Variants in SCGB2B2 observed in about 807,000 individuals in gnomAD.
SCGB2B2 encodes the protein secretoglobin family 2B member 2.
Under a neutral mutation model 7.6 loss-of-function variants are expected in SCGB2B2, and 11 were observed. The observed-to-expected ratio is 1.45, with a 90% CI of 0.91 to 2.40. The LOEUF is 2.40. Among genes scored for constraint, SCGB2B2 ranks in the 30% most tolerant of loss-of-function variants. The pLI is 0.00. For synonymous variants in SCGB2B2, 50 were observed against 48.6 expected (o/e 1.03, Z -0.12); for missense variants, 104 against 115.4 (o/e 0.90, Z 0.45).
At position 34,592,720 on chromosome 19, in the gene SCGB2B2, G is replaced by A. The variant is rs571936585; in HGVS notation, c.*835C>T. ...GGGGCCGTGTTTGAGGGTGGCACTC[G>A]TTCCCTGTGACCTCAATGTCAATGT... On this transcript the variant is annotated 3_prime_UTR_variant, in exon 4 of 4. Coordinates refer to ENST00000601241, the MANE Select transcript of SCGB2B2 (RefSeq NM_001025591.4). 8.5e-5 allele frequency among the ~76,000 whole-genome samples: 13 copies of A among 152,268 alleles called. No homozygotes were observed. The highest frequency in any genetic ancestry group is 1.3e-4 in the Admixed American group (2 of 15,298).
downstream of SCGB2B2, among the ~76,000 whole-genome samples, chr19:34,589,918 G>A (rs2065260189): frequency 6.6e-6 from 1 of 152,188 alleles, no homozygotes; most frequent in Non-Finnish European, 1.5e-5. Flanking sequence ...CAGCTGTGGG[G>A]ATGGCCTGGA....
intron 1 of SCGB2B2, among the ~76,000 whole-genome samples, chr19:34,623,220 T>C (rs1453573607): frequency 5.3e-4 from 80 of 152,182 alleles, no homozygotes; most frequent in Admixed American, 5.0e-3. Context: ...TAACCTAACA[T>C]CCTTCCAGCA....
intron 1 of SCGB2B2, among the ~76,000 whole-genome samples, chr19:34,666,964 A>G (rs1319966463): frequency 6.6e-6 from 1 of 152,092 alleles, no homozygotes; most frequent in African/African-American, 2.4e-5. Flanking sequence ...GGATTCTGTC[A>G]ACAGATATCA....
chr19:34,668,041 G>A (rs1169592743), intron 1 of SCGB2B2, among the ~76,000 whole-genome samples: 1 of 152,212 alleles, frequency 6.6e-6, no homozygotes, highest in East Asian at 1.9e-4. Context: ...GGCGGCCCTC[G>A]CAGCCCTCGC....
intron 1 of SCGB2B2, among the ~76,000 whole-genome samples, chr19:34,626,363 A>G (rs1350054279): frequency 6.6e-6 from 1 of 152,184 alleles, no homozygotes; most frequent in African/African-American, 2.4e-5. Flanking sequence ...ACCTTGAAAA[A>G]AAATTAGACG....
chr19:34,662,227 G>C (rs939440963), intron 1 of SCGB2B2, among the ~76,000 whole-genome samples: 6 of 152,060 alleles, frequency 3.9e-5, no homozygotes, highest in African/African-American at 1.5e-4. Context: ...TCTTCTTTCA[G>C]TGTGGCCCGT....
chr19:34,589,364 G>C (rs2065248230), downstream of SCGB2B2, among the ~76,000 whole-genome samples: 1 of 152,110 alleles, frequency 6.6e-6, no homozygotes, highest in South Asian at 2.1e-4. Context: ...CAGGAGGCCA[G>C]CTCTGAGTTG....
chr19:34,670,280 G>A (rs1006011152), intron 1 of SCGB2B2, among the ~76,000 whole-genome samples: 18 of 152,168 alleles, frequency 1.2e-4, no homozygotes, highest in African/African-American at 4.3e-4. Flanking sequence ...ATTACACCAA[G>A]TCGCAGAGTA....
chr19:34,670,430 C>T (rs1600073811), intron 1 of SCGB2B2, among the ~76,000 whole-genome samples: 1 of 152,190 alleles, frequency 6.6e-6, no homozygotes, highest in African/African-American at 2.4e-5. Context: ...TTAATTTTCA[C>T]TATTCCCGTT....
intron 1 of SCGB2B2, among the ~76,000 whole-genome samples, chr19:34,609,991 T>C (rs2145833394): frequency 6.6e-6 from 1 of 152,282 alleles, no homozygotes; most frequent in South Asian, 2.1e-4. Context: ...TTCTTCACTT[T>C]CTGTCATCAA....
chr19:34,660,079 A>G (rs1238452720), intron 1 of SCGB2B2, among the ~76,000 whole-genome samples: 1 of 152,236 alleles, frequency 6.6e-6, no homozygotes, highest in Non-Finnish European at 1.5e-5. Context: ...CTGGCTAGCC[A>G]TATGTAGAAA....
At chr19:34,636,939 A>G (rs565105263) in intron 1 of SCGB2B2, among the ~76,000 whole-genome samples, 1 of 152,266 alleles carries the variant, frequency 6.6e-6, no homozygotes, top group East Asian at 1.9e-4. Flanking sequence ...TGCAAGGCCT[A>G]AGGGAAAGAC....
At chr19:34,674,442 C>T (rs560597804) in intron 1 of SCGB2B2, among the ~76,000 whole-genome samples, 2 of 152,198 alleles carry the variant, frequency 1.3e-5, no homozygotes, top group Admixed American at 1.3e-4. Flanking sequence ...AACGGGCCCA[C>T]AAAATCTTCA....
At chr19:34,628,951 A>C (rs893417382) in intron 1 of SCGB2B2, among the ~76,000 whole-genome samples, 1 of 152,036 alleles carries the variant, frequency 6.6e-6, no homozygotes, top group African/African-American at 2.4e-5. Context: ...CCTGGGATGC[A>C]AGGCTGGTTC....
chr19:34,637,622 G>C (rs2066722123), intron 1 of SCGB2B2: 1 of 159,458 alleles, frequency 6.3e-6, no homozygotes, highest in Admixed American at 6.5e-5. Context: ...AAAAATGGCT[G>C]GGTGATTTTT....
At chr19:34,605,563 C>T (rs1009170303) in intron 1 of SCGB2B2, among the ~76,000 whole-genome samples, 3 of 152,132 alleles carry the variant, frequency 2.0e-5, no homozygotes, top group African/African-American at 4.8e-5. Flanking sequence ...ATTCTACCTA[C>T]GATCTTAAAA....
chr19:34,642,451 C>A (rs755937390), intron 1 of SCGB2B2, among the ~76,000 whole-genome samples: 1 of 152,050 alleles, frequency 6.6e-6, no homozygotes, highest in African/African-American at 2.4e-5. Context: ...CCTGGTGGCT[C>A]ACACCTGTAA....
At chr19:34,615,424 C>G (rs185410403) in intron 1 of SCGB2B2, among the ~76,000 whole-genome samples, 80 of 147,288 alleles carry the variant, frequency 5.4e-4, no homozygotes, top group African/African-American at 1.9e-3. Flanking sequence ...GGGGATGGGA[C>G]AGTGGAGGTC....
intron 1 of SCGB2B2, among the ~76,000 whole-genome samples, chr19:34,654,768 C>A (rs929213826): frequency 1.3e-5 from 2 of 150,894 alleles, no homozygotes; most frequent in Non-Finnish European, 2.9e-5. Flanking sequence ...ACTCCACATA[C>A]CCTAGCCCCC....
Sources: allele counts gnomAD v4.1 joint callset (sites outside exome capture counted in the v4.1 genomes callset), GRCh38; gene constraint gnomAD v4.1.1; transcripts MANE v1.5; gene names NCBI Gene and HGNC (gene_info 2026-07-23, HGNC 2026-07-21).